The following CCDC171 variants were observed in gnomAD, a reference collection of about 807,000 sequenced individuals.
The protein encoded by CCDC171 is coiled-coil domain-containing protein 171.
Under a neutral mutation model 168.2 loss-of-function variants are expected in CCDC171, and 177 were observed. That is an observed-to-expected ratio of 1.05 (90% CI 0.93 to 1.19). The LOEUF (loss-of-function observed/expected upper bound fraction) is 1.19. Ranked by LOEUF, CCDC171 falls within the 50% of genes most tolerant of loss-of-function variation. The probability of loss-of-function intolerance (pLI) is 0.00; values close to 1 mark genes in which losing one functional copy is unlikely to be tolerated. For synonymous variants in CCDC171, 687 were observed against 540.8 expected, an observed-to-expected ratio of 1.27 and a Z score of -3.75; for missense variants, 1,991 against 1,539.0, an observed-to-expected ratio of 1.29 and a Z score of -4.91.
chr9:15,841,687 A>G (rs2060687051), intron 21 of CCDC171, among the ~76,000 whole-genome samples: 2 of 152,002 alleles, frequency 1.3e-5, no homozygotes, highest in Non-Finnish European at 2.9e-5. Context: ...AAACTGTACT[A>G]TATACCAACA....
At chr9:16,078,002 T>C in the CCDC171 span, among the ~76,000 whole-genome samples, 4 of 152,066 alleles carry the variant, frequency 2.6e-5, no homozygotes, top group African/African-American at 9.7e-5. Context: ...TAATGTATTA[T>C]ATACTTGAAA....
At chr9:15,697,377 A>G (rs1009184190) in intron 11 of CCDC171, among the ~76,000 whole-genome samples, 1 of 152,012 alleles carries the variant, frequency 6.6e-6, no homozygotes, top group Non-Finnish European at 1.5e-5. Flanking sequence ...GGATCTGTTA[A>G]CCTGTACACA....
intron 18 of CCDC171, among the ~76,000 whole-genome samples, chr9:15,771,848 G>A (rs888059450): frequency 5.3e-5 from 8 of 152,068 alleles, no homozygotes; most frequent in African/African-American, 7.2e-5. Flanking sequence ...TTGGGGGGAC[G>A]GGCGGGGCAG....
intron 3 of CCDC171, among the ~76,000 whole-genome samples, chr9:15,981,593 A>G (rs557582663): frequency 4.9e-4 from 75 of 152,190 alleles, no homozygotes; most frequent in Non-Finnish European, 9.1e-4. Context: ...GTAGACATGT[A>G]GAAGCTTTTT....
At chr9:15,747,068 C>G (rs369649158) in intron 18 of CCDC171, among the ~76,000 whole-genome samples, 1 of 152,110 alleles carries the variant, frequency 6.6e-6, no homozygotes, top group Non-Finnish European at 1.5e-5. Context: ...TGGAGCTTGG[C>G]GGGGGGAGGG....
At chr9:15,734,599 C>T (rs1402817557) in intron 16 of CCDC171, among the ~76,000 whole-genome samples, 1 of 152,064 alleles carries the variant, frequency 6.6e-6, no homozygotes, top group East Asian at 1.9e-4. Flanking sequence ...TATTTATGTA[C>T]ATATTTGCTT....
chr9:15,638,788 C>T (rs1339344290), intron 7 of CCDC171, among the ~76,000 whole-genome samples: 3 of 151,744 alleles, frequency 2.0e-5, no homozygotes, highest in Non-Finnish European at 4.4e-5. Context: ...AACTCCCAAT[C>T]CAATTTTATA....
chr9:15,791,143 G>T (rs544771042), intron 21 of CCDC171, among the ~76,000 whole-genome samples: 1 of 152,296 alleles, frequency 6.6e-6, no homozygotes, highest in Non-Finnish European at 1.5e-5. Context: ...GAAAGTCATT[G>T]GTAGCTTGAT....
At chr9:16,063,249 G>A (rs1157726918), downstream of CCDC171, among the ~76,000 whole-genome samples, 3 of 152,154 alleles carry the variant, frequency 2.0e-5, no homozygotes. Flanking sequence ...CATGTACAGG[G>A]ACTCCAGATG....
intron 6 of CCDC171, among the ~76,000 whole-genome samples, chr9:16,033,306 G>T (rs1833397837): frequency 6.6e-6 from 1 of 152,236 alleles, no homozygotes; most frequent in Non-Finnish European, 1.5e-5. Flanking sequence ...ACAACAGGAG[G>T]TGAGTGGCAG....
At chr9:15,791,815 C>G (rs915809812) in intron 21 of CCDC171, among the ~76,000 whole-genome samples, 1 of 152,180 alleles carries the variant, frequency 6.6e-6, no homozygotes, top group African/African-American at 2.4e-5. Flanking sequence ...ACACCAAAAC[C>G]TCATATGTAC....
intron 6 of CCDC171, among the ~76,000 whole-genome samples, chr9:16,035,264 A>G (rs548935898): frequency 6.6e-6 from 1 of 152,318 alleles, no homozygotes; most frequent in East Asian, 1.9e-4. Flanking sequence ...TGAACTACAT[A>G]TATGTTAATA....
chr9:15,701,682 A>G (rs529784373), intron 11 of CCDC171, among the ~76,000 whole-genome samples: 5 of 151,702 alleles, frequency 3.3e-5, no homozygotes, highest in East Asian at 1.9e-4. Flanking sequence ...CCGGAGTACA[A>G]TTTCTTTTAA....
intron 6 of CCDC171, among the ~76,000 whole-genome samples, chr9:15,622,870 T>G (rs1162184365): frequency 6.6e-6 from 1 of 152,180 alleles, no homozygotes; most frequent in Non-Finnish European, 1.5e-5. Flanking sequence ...TAAACATTAT[T>G]AGGCATTCAA....
rs1251287262 is a variant in CCDC171 at position 15,578,067 on chromosome 9, A to G, written c.178-782A>G. The stretch of plus-strand genomic sequence containing the variant: ...TTACTTTATGATCAGTGATATCATA[A>G]TCAAGAGAAATAATACAGACAATAT... On this transcript the variant is annotated intron_variant, in intron 3 of 25. Coordinates refer to ENST00000380701, the MANE Select transcript of CCDC171 (RefSeq NM_173550.4). 2.6e-5 allele frequency among the ~76,000 whole-genome samples: 4 copies of G among 152,306 alleles called. No homozygotes were observed. In the East Asian group the frequency reaches 7.7e-4, roughly 29 times the overall value.
At chr9:15,875,353 C>T (rs1454574490) in intron 24 of CCDC171, 1 of 151,772 alleles carries the variant, frequency 6.6e-6, no homozygotes, top group African/African-American at 2.4e-5. Flanking sequence ...AGGTATCCTT[C>T]TATTTTATGT....
chr9:15,917,697 T>G (rs752239315), intron 24 of CCDC171, among the ~76,000 whole-genome samples: 3 of 151,798 alleles, frequency 2.0e-5, no homozygotes, highest in Admixed American at 6.6e-5. Context: ...ATAAAATGTG[T>G]TTCTCCAAGG....
chr9:16,048,823 G>T (rs1833703629), intron 1 of CCDC171, among the ~76,000 whole-genome samples: 1 of 151,762 alleles, frequency 6.6e-6, no homozygotes, highest in South Asian at 2.1e-4. Context: ...TATTAGAACA[G>T]TACCTCGCAC....
intron 4 of CCDC171, chr9:15,587,585 A>C (rs1443885146): frequency 6.6e-6 from 3 of 455,428 alleles, no homozygotes; most frequent in Non-Finnish European, 1.3e-5. Context: ...CAGGAGGAAG[A>C]ACCTAATGAT....
Sources: gnomAD v4.1 joint callset for allele counts (sites outside exome capture counted in the v4.1 genomes callset) on GRCh38, gnomAD v4.1.1 for gene constraint, MANE v1.5 for transcripts, NCBI Gene and HGNC (gene_info 2026-07-23, HGNC 2026-07-21) for gene names.